The following SHISA6 variants were observed in gnomAD, a reference collection of about 807,000 sequenced individuals.
SHISA6 encodes shisa family member 6.
A neutral mutation model predicts 47.9 loss-of-function variants in SHISA6; 22 were observed. The observed-to-expected ratio is 0.46, with a 90% confidence interval of 0.33 to 0.66. The LOEUF is 0.66. SHISA6 is among the 30% of genes least tolerant of loss of function. The pLI, the probability that SHISA6 is intolerant of heterozygous loss-of-function variation, is 0.02. For synonymous variants in SHISA6, 388 were observed against 337.8 expected (o/e 1.15, Z -1.63); for missense variants, 680 against 764.6 (o/e 0.89, Z 1.30).
chr17:11,308,138 T>G (rs1348200277), intron 2 of SHISA6, among the ~76,000 whole-genome samples: 3 of 152,184 alleles, frequency 2.0e-5, no homozygotes, highest in Non-Finnish European at 4.4e-5. Flanking sequence ...TTAGAAATGC[T>G]GGCCCAATCT....
intron 2 of SHISA6, among the ~76,000 whole-genome samples, chr17:11,295,721 T>C (rs1909728279): frequency 6.6e-6 from 1 of 151,984 alleles, no homozygotes; most frequent in African/African-American, 2.4e-5. Context: ...CCCAGCACTT[T>C]GGGAGGCTGA....
chr17:11,462,223 C>T (rs775469200), intron 3 of SHISA6, among the ~76,000 whole-genome samples: 24 of 152,142 alleles, frequency 1.6e-4, no homozygotes, highest in Non-Finnish European at 2.6e-4. Context: ...CAGTGTGAGA[C>T]TGTGTTCTGT....
chr17:11,433,070 A>G (rs1914833191), intron 3 of SHISA6, among the ~76,000 whole-genome samples: 1 of 152,224 alleles, frequency 6.6e-6, no homozygotes, highest in South Asian at 2.1e-4. Context: ...TTGTATCTCA[A>G]TACAGCTATT....
chr17:11,278,615 C>T (rs1261582259), intron 2 of SHISA6, among the ~76,000 whole-genome samples: 2 of 152,234 alleles, frequency 1.3e-5, no homozygotes, highest in South Asian at 2.1e-4. Context: ...CCTACCCCTG[C>T]GAGGAGGCAG....
intron 2 of SHISA6, among the ~76,000 whole-genome samples, chr17:11,277,286 A>T (rs941179173): frequency 0.021 from 1,874 of 88,702 alleles, 30 homozygotes; most frequent in African/African-American, 0.073. Context: ...TCTCTCACAC[A>T]CACACACACA....
intron 3 of SHISA6, among the ~76,000 whole-genome samples, chr17:11,464,143 C>T (rs1343787714): frequency 6.6e-6 from 1 of 152,114 alleles, no homozygotes; most frequent in Non-Finnish European, 1.5e-5. Flanking sequence ...TCTTGAACTC[C>T]TGGGCTCAAA....
At chr17:11,371,687 T>C (rs1463529041) in intron 2 of SHISA6, among the ~76,000 whole-genome samples, 2 of 152,068 alleles carry the variant, frequency 1.3e-5, no homozygotes, top group Non-Finnish European at 2.9e-5. Context: ...AAAATAACGT[T>C]ATTAGGTTTT....
At chr17:11,440,460 C>G (rs574217886) in intron 3 of SHISA6, among the ~76,000 whole-genome samples, 4 of 151,684 alleles carry the variant, frequency 2.6e-5, no homozygotes, top group Admixed American at 1.3e-4. Flanking sequence ...GGCCTTGCCC[C>G]GGGAGTGAAT....
chr17:11,258,614 G>C (rs923576822), intron 1 of SHISA6, among the ~76,000 whole-genome samples: 3 of 152,228 alleles, frequency 2.0e-5, no homozygotes, highest in African/African-American at 7.2e-5. Flanking sequence ...GATCCTGCCA[G>C]ACTACTGGGA....
At chr17:11,416,487 T>G (rs2142277637) in intron 3 of SHISA6, among the ~76,000 whole-genome samples, 1 of 152,296 alleles carries the variant, frequency 6.6e-6, no homozygotes. Context: ...TCTGCAGAAC[T>G]GTATGGATCT....
chr17:11,499,683 C>CTTTTTTTT (rs372464937), intron 3 of SHISA6, among the ~76,000 whole-genome samples: 15 of 127,482 alleles, frequency 1.2e-4, no homozygotes, highest in East Asian at 2.2e-4. Context: ...CTTTTTCTTT[C>CTTTTTTTT]TTTTTTTTTT....
chr17:11,295,090 CG>C (rs1372133431), intron 2 of SHISA6, among the ~76,000 whole-genome samples: 7 of 152,262 alleles, frequency 4.6e-5, no homozygotes, highest in African/African-American at 1.7e-4. Flanking sequence ...ATTCACGTCC[CG>C]GGTGGGTGGG....
intron 3 of SHISA6, among the ~76,000 whole-genome samples, chr17:11,382,476 C>CG (rs1913043156): frequency 6.6e-6 from 1 of 152,178 alleles, no homozygotes; most frequent in African/African-American, 2.4e-5. Context: ...TCAGAGCAAA[C>CG]TAAGTTCAAC....
chr17:11,357,758 C>T (rs895916407), intron 2 of SHISA6, among the ~76,000 whole-genome samples: 3 of 152,138 alleles, frequency 2.0e-5, no homozygotes, highest in African/African-American at 4.8e-5. Context: ...GGATGATAAT[C>T]GCTGCACATA....
chr17:11,428,834 G>T (rs1361100766), intron 3 of SHISA6, among the ~76,000 whole-genome samples: 2 of 148,584 alleles, frequency 1.3e-5, no homozygotes, highest in African/African-American at 5.0e-5. Flanking sequence ...GCCCAGGCTG[G>T]AGTGCAGTGG....
At chr17:11,465,075 A>G (rs191655545) in intron 3 of SHISA6, among the ~76,000 whole-genome samples, 221 of 152,288 alleles carry the variant, frequency 1.5e-3, no homozygotes, top group African/African-American at 5.1e-3. Flanking sequence ...TCCTTGTACC[A>G]GTACCTCTGT....
chr17:11,246,659 A>G (rs1430475298), intron 1 of SHISA6, among the ~76,000 whole-genome samples: 1 of 152,184 alleles, frequency 6.6e-6, no homozygotes, highest in Non-Finnish European at 1.5e-5. Flanking sequence ...TTCCCACTGA[A>G]GGGACAAAGT....
intron 3 of SHISA6, among the ~76,000 whole-genome samples, chr17:11,408,200 ACTC>A (rs1390515112): frequency 1.3e-5 from 2 of 152,012 alleles, no homozygotes; most frequent in East Asian, 1.9e-4. Flanking sequence ...CTATGTTCTC[ACTC>A]CTCCTTATGC....
At chr17:11,383,381 G>A (rs780318128) in intron 3 of SHISA6, among the ~76,000 whole-genome samples, 25 of 152,162 alleles carry the variant, frequency 1.6e-4, no homozygotes, top group Non-Finnish European at 2.1e-4. Context: ...CATAGTTCAT[G>A]GGTAATTAAA....
Sources: allele counts gnomAD v4.1 joint callset (sites outside exome capture counted in the v4.1 genomes callset), GRCh38; gene constraint gnomAD v4.1.1; transcripts MANE v1.5; gene names NCBI Gene and HGNC (gene_info 2026-07-23, HGNC 2026-07-21).